Variants in ADAMTSL2 observed in about 807,000 individuals in gnomAD.
The protein encoded by ADAMTSL2 is ADAMTS like 2.
Under a neutral mutation model 117.0 loss-of-function variants are expected in ADAMTSL2, and 55 were observed. The observed-to-expected ratio is 0.47, with a 90% CI of 0.38 to 0.59. The LOEUF is 0.59. Ranked by LOEUF, ADAMTSL2 falls within the 20% of genes least tolerant of loss-of-function variation. ADAMTSL2 has a pLI of 0.00. For missense variants in ADAMTSL2, 1,182 were observed against 1,354.5 expected, an observed-to-expected ratio of 0.87 and a Z score of 2.00; for synonymous variants, 572 against 566.4, an observed-to-expected ratio of 1.01 and a Z score of -0.14.
At chr9:133,543,457 C>G (rs899634391) in intron 7 of ADAMTSL2, among the ~76,000 whole-genome samples, 1 of 152,254 alleles carries the variant, frequency 6.6e-6, no homozygotes, top group Non-Finnish European at 1.5e-5. Flanking sequence ...GTTTACACCA[C>G]GGAAATTGGC....
chr9:133,564,564 GAGGGAGAGGGAGAGAGAA>G (rs1417327813), intron 12 of ADAMTSL2, among the ~76,000 whole-genome samples: 11 of 115,638 alleles, frequency 9.5e-5, no homozygotes, highest in African/African-American at 4.0e-4. Flanking sequence ...GGGAGAGAGA[GAGGGAGAGGGAGAGAGAA>G]GGAGAGAGAG....
At chr9:133,535,191 C>A (rs947519143) in intron 1 of ADAMTSL2, among the ~76,000 whole-genome samples, 3 of 152,218 alleles carry the variant, frequency 2.0e-5, no homozygotes, top group Admixed American at 6.5e-5. Context: ...TCCCCGTGAG[C>A]GAGGCCTGGC....
Position 133,561,235 on chromosome 9 carries a change from G to A in ADAMTSL2, c.1687G>A (p.Ala563Thr). ...GGCGCGCAAGCAAGGCGTGAGTCCC[G>A]CGGACATGTACCGGTGGAAGCTCTC... ...PKARKQGVSP[A>T]DMYRWKLSSH... The change falls in exon 12 of 19, where the codon GCG becomes ACG. Residue 563 changes from alanine (A) to threonine (T), a missense_variant. By Grantham distance (58) the Ala-to-Thr change is moderately conservative. Coordinates refer to ENST00000651351, the MANE Select transcript of ADAMTSL2 (RefSeq NM_014694.4). The A allele has an allele frequency of 3.1e-6, 5 of 1,608,552 alleles. No homozygotes were observed. Among genetic ancestry groups the A allele is most frequent in the South Asian group, 1.1e-5 (1 of 89,692 alleles).
Position 133,539,813 on chromosome 9 carries a change from G to A in ADAMTSL2, c.352G>A (p.Val118Ile), listed in dbSNP as rs374608028. The A allele has an allele frequency of 3.5e-5, 55 of 1,550,982 alleles. No individual in the cohort carries two copies. Among genetic ancestry groups the A allele is most frequent in the East Asian group, 7.3e-5 (3 of 40,944 alleles). ...GAGGAGCTTCCGCGAGGAGCAGTGC[G>A]TCTCCTTCAACTCCCACGTGTACAA... ...DGRSFREEQC[V>I]SFNSHVYNGR... Residue 118 changes from valine to isoleucine, a missense_variant, in exon 5 of 19, where the codon GTC becomes ATC. Around this residue, in one of 3 missense-constraint regions of ADAMTSL2, gnomAD observed 372 missense variants for 463.4 expected, o/e 0.80. Coordinates refer to ENST00000651351, the MANE Select transcript of ADAMTSL2 (RefSeq NM_014694.4).
intron 17 of ADAMTSL2, among the ~76,000 whole-genome samples, chr9:133,572,287 C>T (rs1319629449): frequency 6.6e-6 from 1 of 152,068 alleles, no homozygotes; most frequent in Admixed American, 6.5e-5. Context: ...AAAGGACCCC[C>T]GAGTGAGGAG....
chr9:133,573,525 G>C (rs1301702950), intron 17 of ADAMTSL2, among the ~76,000 whole-genome samples: 1 of 152,022 alleles, frequency 6.6e-6, no homozygotes, highest in Non-Finnish European at 1.5e-5. Context: ...CGGCCAGCTA[G>C]TGCCTGGACC....
Position 133,539,885 on chromosome 9 carries a change from C to T in ADAMTSL2, c.412+12C>T. ...GCCTCTGTACCCGGGTACCTGCCGC[C>T]CTGGGGACCCACCTTGCAGGGAGCT... On this transcript the variant is annotated intron_variant, in intron 5 of 18. Transcript: ENST00000651351. The T allele has an allele frequency of 3.9e-6, 6 of 1,550,486 alleles. No homozygotes were observed. The highest frequency in any genetic ancestry group is 5.2e-6 in the Non-Finnish European group (6 of 1,146,714).
At chr9:133,548,503 T>C (rs1163392095) in intron 9 of ADAMTSL2, among the ~76,000 whole-genome samples, 1 of 149,898 alleles carries the variant, frequency 6.7e-6, no homozygotes, top group Non-Finnish European at 1.5e-5. Context: ...TGGGGGTTTG[T>C]GTGCAAGAGA....
chr9:133,575,163 C>G lies in ADAMTSL2; in HGVS notation c.*299C>G. 3 of 444,680 alleles carry G rather than the reference C, an allele frequency of 6.7e-6. No individual in the cohort carries two copies. Among genetic ancestry groups the G allele is most frequent in the Non-Finnish European group, 1.2e-5 (3 of 240,948 alleles). 27.5% of individuals were successfully genotyped at this position (444,680 alleles called of 1,614,324 possible). ...CCCACTCCCCAGCCCCCCAGCAGCCCCCAGCCGAGGGGCCCAGGGCCCACA... is the reference window on the plus strand; with the variant it reads ...CCCACTCCCCAGCCCCCCAGCAGCCGCCAGCCGAGGGGCCCAGGGCCCACA... On this transcript the variant is annotated 3_prime_UTR_variant, in exon 19 of 19. Transcript: ENST00000651351.
At position 133,547,051 on chromosome 9, in the gene ADAMTSL2, A is replaced by T; in HGVS notation, c.777A>T (p.Glu259Asp). 6.2e-7 allele frequency: 1 copy of T among 1,613,784 alleles called. No homozygotes were observed. Residue 259 changes from glutamate (E) to aspartate (D), a missense_variant, in exon 9 of 19, where the codon GAA (glutamate) becomes GAT (aspartate). By Grantham distance (45) the Glu-to-Asp change is conservative (BLOSUM62 2). Transcript: ENST00000651351. ...KSADVLALADEAGYYFFNGNY... is the reference protein window; with the variant it reads ...KSADVLALADDAGYYFFNGNY... ...TTGCCCTTCCAGCTCTTGCAGACGA[A>T]GCTGGCTACTACTTCTTCAACGGCA...
At chr9:133,537,607 G>A in intron 3 of ADAMTSL2, 60 bp downstream of exon 3, 2 of 1,311,720 alleles carry the variant, frequency 1.5e-6, no homozygotes, top group Non-Finnish European at 2.0e-6. Context: ...GCGGGCAGGA[G>A]AGGGCGGTTG....
chr9:133,537,346 G>T, intron 2 of ADAMTSL2, 59 bp from the exon 3 acceptor site: 7 of 1,326,262 alleles, frequency 5.3e-6, no homozygotes, highest in Non-Finnish European at 6.8e-6. Context: ...TGGGGTGGGG[G>T]CAGGCTGGTC....
In ADAMTSL2 at chr9:133,544,732, C is replaced by T. The variant is rs9330463; in HGVS notation, c.763+182C>T. Among the ~76,000 whole-genome samples the T allele has an allele frequency of 0.84, 128,171 of 152,136 alleles. 54,800 individuals carry two copies. The highest frequency in any genetic ancestry group is 0.92 in the Non-Finnish European group (62,641 of 68,020). ...TGTGTGGGTGTGGCTGGGGTGCTCA[C>T]AGGGGAGCCAGCTTTACCCCTGTGC... On this transcript the variant is annotated intron_variant, in intron 8 of 18. Coordinates refer to ENST00000651351, the MANE Select transcript of ADAMTSL2 (RefSeq NM_014694.4).
rs1187092076 is a variant in ADAMTSL2 at position 133,555,908 on chromosome 9, G to A, written c.1627G>A (p.Gly543Arg). 1.9e-5 allele frequency: 31 copies of A among 1,612,414 alleles called. No homozygotes were observed. Among genetic ancestry groups the A allele is most frequent in the Middle Eastern group, 1.7e-4 (1 of 5,840 alleles). ...TAGCACCAGCCTGCTCACCTCGGCC[G>A]GGAACAGGACTCACAAGGCCAGGTA... Reference protein sequence around the residue: ...NVSTSLLTSAGNRTHKARTRP... With the variant: ...NVSTSLLTSARNRTHKARTRP... Residue 543 changes from glycine (G) to arginine (R), a missense_variant, in exon 11 of 19, where the codon GGG becomes AGG. Transcript: ENST00000651351.
At chr9:133,539,670 C>CCCGGCTGTCCCGGCTGTCCCGGCTGTG in intron 4 of ADAMTSL2, 101 bp from the exon 5 acceptor site, 1 of 1,227,216 alleles carries the variant, frequency 8.1e-7, no homozygotes, top group Non-Finnish European at 1.2e-6. Flanking sequence ...TCCCGGCTGT[C>CCCGGCTGTCCCGGCTGTCCCGGCTGTG]CCGGCTGTCC....
rs991423312 is a variant in ADAMTSL2 at position 133,567,182 on chromosome 9, G to A, written c.1874+120G>A. On this transcript the variant is annotated intron_variant, in intron 13 of 18. Transcript: ENST00000651351. The stretch of plus-strand genomic sequence containing the variant: ...GGTTCTTCGTGTGCAGGGCCGTGGG[G>A]GCTCTTCGAGGAGGGGCATACAGAC... 6.0e-4 allele frequency: 794 copies of A among 1,313,938 alleles called. 5 individuals are homozygous for A. The African/African-American group carries it at 9.5e-3, about 16-fold the overall frequency. The allele number at this position is 1,313,938 out of a possible 1,614,324, so 81.4% of individuals were successfully genotyped here.
chr9:133,564,274 A>G (rs867355588), intron 12 of ADAMTSL2, among the ~76,000 whole-genome samples: 1,892 of 4,710 alleles, frequency 0.4, no homozygotes, highest in Admixed American at 0.43. Flanking sequence ...GAGAGAGAGA[A>G]AGAGGGAGAG....
chr9:133,564,334 AAG>A lies in ADAMTSL2; in HGVS notation c.1748-2594_1748-2593del, dbSNP rs1223994708. On this transcript the variant is annotated intron_variant, in intron 12 of 18. Coordinates refer to ENST00000651351, the MANE Select transcript of ADAMTSL2 (RefSeq NM_014694.4). ...AGAGAAAGAGAGAGGGAGAGAGAGA[AAG>A]AGAGAGAAAGAGAGAGGGAGAGAGA... Among the ~76,000 whole-genome samples, 5 of 4,214 alleles carry A rather than the reference AAG, an allele frequency of 1.2e-3. 1 individual carries two copies. Among genetic ancestry groups the A allele is most frequent in the Admixed American group, 8.0e-3 (4 of 498 alleles). The allele number at this position is 4,214 out of a possible 152,430, so 2.8% of individuals were successfully genotyped here. A position where few individuals can be genotyped will look rare whatever the true frequency, so the allele number is the denominator to read the frequency against.
chr9:133,572,709 G>A (rs1306065865), intron 17 of ADAMTSL2, among the ~76,000 whole-genome samples: 3 of 152,208 alleles, frequency 2.0e-5, no homozygotes. Flanking sequence ...CTGATGAGGA[G>A]GTGGCAGGGC....
Sources: gnomAD v4.1 joint callset for allele counts (sites outside exome capture counted in the v4.1 genomes callset) on GRCh38, gnomAD v4.1.1 for gene constraint, gnomAD v4.1.1 regional missense constraint, MANE v1.5 for transcripts, NCBI Gene and HGNC (gene_info 2026-07-23, HGNC 2026-07-21) for gene names.